Variants in SPPL2B observed in about 807,000 individuals in gnomAD.
SPPL2B encodes the protein signal peptide peptidase-like 2B.
In SPPL2B, 39 loss-of-function variants were observed where a neutral mutation model predicts 59.7. The observed-to-expected ratio is 0.65, with a 90% confidence interval of 0.51 to 0.85. SPPL2B has a LOEUF of 0.85. SPPL2B is among the 40% of genes least tolerant of loss of function. The probability of loss-of-function intolerance (pLI) is 0.00; values close to 1 mark genes in which losing one functional copy is unlikely to be tolerated. For missense variants in SPPL2B, 865 were observed against 849.0 expected (o/e 1.02, Z -0.23); for synonymous variants, 419 against 370.8 (o/e 1.13, Z -1.49).
At chr19:2,352,667 G>A (rs906125313) in intron 14 of SPPL2B, among the ~76,000 whole-genome samples, 15 of 152,024 alleles carry the variant, frequency 9.9e-5, no homozygotes, top group African/African-American at 3.6e-4. Flanking sequence ...GCCCAGGGGC[G>A]AGAGACGGTA....
Position 2,338,738 on chromosome 19 carries a change from C to T in SPPL2B, c.370-14C>T, listed in dbSNP as rs549518493. The T allele has an allele frequency of 7.5e-6, 12 of 1,602,738 alleles. No individual in the cohort carries two copies. The East Asian group carries it at 2.5e-4, about 33-fold the overall frequency. On this transcript the variant is annotated splice_polypyrimidine_tract_variant and intron_variant, in intron 3 of 14. Coordinates refer to ENST00000613503, the MANE Select transcript of SPPL2B (RefSeq NM_152988.3). ...TGCGGGTGATGCCTGCCGCTCCCTC[C>T]TCTGGGCCCCCAGGTCCCCCCGGGG...
Position 2,353,159 on chromosome 19 carries a change from CG to C in SPPL2B, c.1732del (p.Asp578ThrfsTer8). On this transcript the variant is annotated frameshift_variant, in exon 15 of 15. Transcript: ENST00000613503. LOFTEE classifies it low-confidence loss of function (END_TRUNC). ...TGGGAGCCCAGCTGAATCCGAGGGC[CG>C]GGACCAGGCCCAGCCGTCCCCGGTA... is the stretch of plus-strand genomic sequence containing the variant. ...EPGSPAESEG[R>X]DQAQPSPVTQ... The C allele has an allele frequency of 6.2e-7, 1 of 1,609,336 alleles. No homozygotes were observed. The highest frequency in any genetic ancestry group is 8.5e-7 in the Non-Finnish European group (1 of 1,179,212).
chr19:2,339,680 G>A (rs1383075668), intron 5 of SPPL2B, 144 bp from the exon 6 acceptor site: 7 of 905,736 alleles, frequency 7.7e-6, no homozygotes, highest in Admixed American at 4.5e-5. Context: ...GGGACGTTCG[G>A]GGCGGTTCCT....
At chr19:2,336,491 A>C (rs1268238900) in intron 2 of SPPL2B, among the ~76,000 whole-genome samples, 1 of 151,452 alleles carries the variant, frequency 6.6e-6, no homozygotes, top group African/African-American at 2.4e-5. Context: ...GTGTGAGTGC[A>C]TGTGTAATAG....
At chr19:2,344,327 C>T in intron 10 of SPPL2B, 35 bp from the exon 11 acceptor site, 1 of 910,266 alleles carries the variant, frequency 1.1e-6, no homozygotes, top group South Asian at 1.4e-5. Context: ...CCCACCCCAT[C>T]ACCACGCTCC....
intron 13 of SPPL2B, among the ~76,000 whole-genome samples, chr19:2,346,366 C>T (rs1969370180): frequency 1.3e-5 from 2 of 152,400 alleles, no homozygotes; most frequent in South Asian, 4.1e-4. Context: ...CATGATTATC[C>T]TTTAAAATCA....
chr19:2,343,240 G>C lies in SPPL2B; in HGVS notation c.986G>C (p.Gly329Ala). The change falls in exon 9 of 15, where the codon GGC (glycine) becomes GCC (alanine). Residue 329 changes from glycine to alanine, a missense_variant. Coordinates refer to ENST00000613503, the MANE Select transcript of SPPL2B (RefSeq NM_152988.3). ...GCCTGGGTCCTCCAGGATGCCCTGGGCATCGCCTTCTGCCTCTACATGCTG... is the reference window on the plus strand; with the variant it reads ...GCCTGGGTCCTCCAGGATGCCCTGGCCATCGCCTTCTGCCTCTACATGCTG... ...QWAWVLQDAL[G>A]IAFCLYMLKT... is the part of the protein sequence containing the mutation. 6.4e-7 allele frequency: 1 copy of C among 1,556,168 alleles called. No individual in the cohort carries two copies. Among genetic ancestry groups the C allele is most frequent in the East Asian group, 2.4e-5 (1 of 41,426 alleles).
intron 2 of SPPL2B, 150 bp from the exon 3 acceptor site, chr19:2,337,293 A>G (rs745311358): frequency 3.0e-6 from 2 of 669,582 alleles, no homozygotes; most frequent in Non-Finnish European, 4.8e-6. Flanking sequence ...TGCAGTAGGG[A>G]TGGCTCTGCC....
rs529290849 is a variant in SPPL2B, at chr19:2,349,671, G to A, written c.1355-1763G>A. Among the ~76,000 whole-genome samples, 8 of 98,526 alleles carry A rather than the reference G, an allele frequency of 8.1e-5. No homozygotes were observed. The South Asian group carries it at 2.3e-3, about 28-fold the overall frequency. The allele number at this position is 98,526 out of a possible 152,430, so 64.6% of individuals were successfully genotyped here. A position where few individuals can be genotyped will look rare whatever the true frequency, so the allele number is the denominator to read the frequency against. On this transcript the variant is annotated intron_variant, in intron 13 of 14. Transcript: ENST00000613503. ...GTTCTCTCTCTCCACACACACTCGT[G>A]TTCTCATTCGCCTGATTCCGTTCTC... is the stretch of plus-strand genomic sequence containing the variant.
rs10402284 is a variant in SPPL2B, at chr19:2,353,150, T to C, written c.1720T>C (p.Ser574Pro). ...GCGGGAGCCTGGGAGCCCAGCTGAA[T>C]CCGAGGGCCGGGACCAGGCCCAGCC... The part of the protein sequence containing the change: ...PMREPGSPAE[S>P]EGRDQAQPSP... The change falls in exon 15 of 15, where the codon TCC becomes CCC. Residue 574 changes from serine to proline, a missense_variant. Coordinates refer to ENST00000613503, the MANE Select transcript of SPPL2B (RefSeq NM_152988.3). 212,203 of 1,609,748 alleles carry C rather than the reference T, an allele frequency of 0.13. 18,313 individuals are homozygous for C. The highest frequency in any genetic ancestry group is 0.41 in the African/African-American group (30,719 of 74,832).
intron 7 of SPPL2B, 123 bp downstream of exon 7, chr19:2,340,295 G>A: frequency 1.3e-6 from 1 of 799,678 alleles, no homozygotes; most frequent in Non-Finnish European, 1.9e-6. Flanking sequence ...CGCTCCCTCA[G>A]TGCTGGCCTG....
chr19:2,336,410 A>G (rs191947132), intron 2 of SPPL2B, among the ~76,000 whole-genome samples: 4 of 151,628 alleles, frequency 2.6e-5, no homozygotes, highest in Non-Finnish European at 5.9e-5. Context: ...GTGTGTGTAC[A>G]TGTGGATAAT....
intron 10 of SPPL2B, 58 bp downstream of exon 10, chr19:2,344,097 AC>A: frequency 2.6e-6 from 2 of 760,700 alleles, no homozygotes; most frequent in Non-Finnish European, 3.3e-6. Context: ...CCCCCTCGCA[AC>A]CCCCGCCCCA....
In SPPL2B at chr19:2,334,739, G is replaced by C. The variant is rs141342141; in HGVS notation, c.186+18G>C. ...GCAAGGCAGTGAGTACCCGCTGGCC[G>C]GGCGCCGCTGCGGAGGAGAATGCGG... On this transcript the variant is annotated intron_variant, in intron 2 of 14. Coordinates refer to ENST00000613503, the MANE Select transcript of SPPL2B (RefSeq NM_152988.3). 3 of 1,549,632 alleles carry C rather than the reference G, an allele frequency of 1.9e-6. No homozygotes were observed. The highest frequency in any genetic ancestry group is 2.6e-6 in the Non-Finnish European group (3 of 1,147,940).
Position 2,353,239 on chromosome 19 carries a change from C to A in SPPL2B, c.*30C>A. On this transcript the variant is annotated 3_prime_UTR_variant, in exon 15 of 15. Transcript: ENST00000613503. ...GGGGTGAGACGCTCGCTGCCGTGCC[C>A]GCCACACCAAGATGTTGGGGCTGCC... 1 of 1,568,714 alleles carries A rather than the reference C, an allele frequency of 6.4e-7. No homozygotes were observed.
chr19:2,348,518 TTCTC>T (rs146173548), intron 13 of SPPL2B, among the ~76,000 whole-genome samples: 155 of 36,518 alleles, frequency 4.2e-3, no homozygotes, highest in Non-Finnish European at 6.5e-3. Flanking sequence ...CTTGATTCCG[TTCTC>T]TCTCCCTCCA....
rs1022843625 is a variant in SPPL2B at position 2,328,697 on chromosome 19, G to A, written c.-13G>A. On this transcript the variant is annotated 5_prime_UTR_variant, in exon 1 of 15. Transcript: ENST00000613503. Reference sequence around the variant, plus strand: ...GAAACATCTGCCGTTGGTTGCGGCGGGCACCGGCCGACATGGCGGCAGCGG... The same window carrying A: ...GAAACATCTGCCGTTGGTTGCGGCGAGCACCGGCCGACATGGCGGCAGCGG... The A allele has an allele frequency of 7.0e-7, 1 of 1,433,990 alleles. No homozygotes were observed. The highest frequency in any genetic ancestry group is 3.0e-5 in the Admixed American group (1 of 33,262). 88.8% of individuals were successfully genotyped at this position (1,433,990 alleles called of 1,614,324 possible). A position where few individuals can be genotyped will look rare whatever the true frequency, so the allele number is the denominator to read the frequency against.
chr19:2,353,376 T>A lies in SPPL2B; in HGVS notation c.*167T>A. The A allele has an allele frequency of 1.2e-6, 1 of 820,144 alleles. No homozygotes were observed. Among genetic ancestry groups the A allele is most frequent in the Non-Finnish European group, 1.8e-6 (1 of 546,118 alleles). 50.8% of individuals were successfully genotyped at this position (820,144 alleles called of 1,614,324 possible). A position where few individuals can be genotyped will look rare whatever the true frequency, so the allele number is the denominator to read the frequency against. On this transcript the variant is annotated 3_prime_UTR_variant, in exon 15 of 15. Coordinates refer to ENST00000613503, the MANE Select transcript of SPPL2B (RefSeq NM_152988.3). ...TCCTTGCCGAGACCCCTGCGGTCTG[T>A]GCCCGCGCCCAGCCCAGCTGCCCCG...
At chr19:2,344,290 C>T (rs1969237588) in intron 10 of SPPL2B, 72 bp from the exon 11 acceptor site, 8 of 848,080 alleles carry the variant, frequency 9.4e-6, no homozygotes, top group East Asian at 3.1e-5. Flanking sequence ...CCTGCCCCCT[C>T]GCCCCATCAC....
Sources: allele counts gnomAD v4.1 joint callset (sites outside exome capture counted in the v4.1 genomes callset), GRCh38; gene constraint gnomAD v4.1.1; transcripts MANE v1.5; gene names NCBI Gene and HGNC (gene_info 2026-07-23, HGNC 2026-07-21).